MED12: variants seen among roughly 807,000 people sequenced by gnomAD.
MED12 encodes the protein mediator of RNA polymerase II transcription subunit 12.
A neutral mutation model predicts 177.7 loss-of-function variants in MED12; 10 were observed. The ratio of observed to expected loss-of-function variants is 0.06; its 90% CI spans 0.03 to 0.10. The LOEUF (loss-of-function observed/expected upper bound fraction) is 0.10. Among genes scored for constraint, MED12 ranks in the 10% least tolerant of loss-of-function variants. The pLI, the probability that MED12 is intolerant of heterozygous loss-of-function variation, is 1.00. For missense variants in MED12, 867 were observed against 1,780.8 expected, an observed-to-expected ratio of 0.49 and a Z score of 9.23; for synonymous variants, 641 against 678.4, an observed-to-expected ratio of 0.94 and a Z score of 0.86.
At chrX:71,138,017 C>G in intron 41 of MED12, 74 bp downstream of exon 41, 2 of 1,043,848 alleles carry the variant, frequency 1.9e-6, no homozygotes, top group Non-Finnish European at 2.7e-6. Flanking sequence ...AAGCCTGTGC[C>G]TGAAAGTGGT....
chrX:71,141,651 A>G (rs762959734), intron 43 of MED12, among the ~76,000 whole-genome samples: 1 of 111,203 alleles, frequency 9.0e-6, no homozygotes, highest in Admixed American at 9.5e-5. Flanking sequence ...TAATAATAAT[A>G]AATAAGCCGG....
chrX:71,124,183 G>A lies in MED12; in HGVS notation c.1769G>A (p.Arg590Gln). The A allele has an allele frequency of 6.6e-6, 8 of 1,210,797 alleles. No homozygotes were observed. Among genetic ancestry groups the A allele is most frequent in the East Asian group, 3.0e-5 (1 of 33,817 alleles). The stretch of plus-strand genomic sequence containing the variant: ...GCGGACCCTCGAAGTGAGAGTGAGC[G>A]GGTGGAATTCTTTAACTTAGTACTG... ...MLTDPRSESE[R>Q]VEFFNLVLLF... Residue 590 changes from arginine (R) to glutamine (Q), a missense_variant, in exon 13 of 45, where the codon CGG (arginine) becomes CAG (glutamine). Coordinates refer to ENST00000374080, the MANE Select transcript of MED12 (RefSeq NM_005120.3).
intron 7 of MED12, 29 bp from the exon 8 acceptor site, chrX:71,122,171 A>T: frequency 8.3e-7 from 1 of 1,210,217 alleles, no homozygotes; most frequent in Non-Finnish European, 1.1e-6. Flanking sequence ...ATGGTGAATG[A>T]GTTGGACTTA....
intron 3 of MED12, 43 bp from the exon 4 acceptor site, chrX:71,119,971 C>A (rs368394234): frequency 1.7e-6 from 2 of 1,207,133 alleles, no homozygotes; most frequent in Non-Finnish European, 2.2e-6. Flanking sequence ...GGTGTCAGCT[C>A]ATGGGGATAA....
chrX:71,123,013 G>C (rs1413842390), intron 10 of MED12, 82 bp from the exon 11 acceptor site: 1 of 1,176,781 alleles, frequency 8.5e-7, no homozygotes, highest in Non-Finnish European at 1.2e-6. Flanking sequence ...TTTTATGATA[G>C]AGCCCAGTCT....
intron 42 of MED12, 84 bp downstream of exon 42, chrX:71,140,941 A>G (rs2147840627): frequency 2.5e-6 from 3 of 1,188,269 alleles, no homozygotes; most frequent in Middle Eastern, 4.7e-4. Context: ...TACCGAGACT[A>G]AACAAGGCAG....
chrX:71,132,374 C>T lies in MED12; in HGVS notation c.4254-3C>T, dbSNP rs770207059. ...GACCCTGTGTCCTCTGTCTGTTCTCCAGCTCTCTAGAGCGCTCTGGTGTAT... is the reference window on the plus strand; with the variant it reads ...GACCCTGTGTCCTCTGTCTGTTCTCTAGCTCTCTAGAGCGCTCTGGTGTAT... On this transcript the variant is annotated splice_region_variant and splice_polypyrimidine_tract_variant and intron_variant, in intron 30 of 44. Transcript: ENST00000374080. The T allele has an allele frequency of 4.1e-6, 5 of 1,210,859 alleles. No individual in the cohort carries two copies. In the South Asian group the frequency reaches 5.3e-5, roughly 13 times the overall value.
At chrX:71,128,786 CCT>C (rs2092309396) in intron 24 of MED12, 68 bp downstream of exon 24, 1 of 1,152,184 alleles carries the variant, frequency 8.7e-7, no homozygotes, top group Non-Finnish European at 1.2e-6. Context: ...GGACGGCCAT[CCT>C]CTCATTGTTC....
chrX:71,119,543 G>C (rs1234398191), intron 2 of MED12, 66 bp downstream of exon 2: 6 of 1,100,307 alleles, frequency 5.5e-6, no homozygotes, highest in Non-Finnish European at 6.2e-6. Context: ...AAGGCCCTGG[G>C]TTGGGAAGAC....
chrX:71,125,686 C>T lies in MED12; in HGVS notation c.2395C>T (p.Leu799=), dbSNP rs1280842063. 7.0e-6 allele frequency: 8 copies of T among 1,138,146 alleles called. No homozygotes were observed. In the African/African-American group the frequency reaches 1.6e-4, roughly 22 times the overall value. The allele number at this position is 1,138,146 out of a possible 1,213,427, so 93.8% of individuals were successfully genotyped here. Residue 799 remains leucine, a synonymous_variant, in exon 17 of 45, where the codon CTG becomes TTG. Coordinates refer to ENST00000374080, the MANE Select transcript of MED12 (RefSeq NM_005120.3). ...ETDQLAPIVP[L]NPGDLTFLGG... is the part of the protein sequence containing the mutation. ...AGACCAGCTTGCTCCTATTGTGCCT[C>T]TGAATCCTGGAGACCTGACATTCTT...
At chrX:71,142,114 C>T (rs913653275) in intron 44 of MED12, 61 bp from the exon 45 acceptor site, 4 of 1,150,160 alleles carry the variant, frequency 3.5e-6, no homozygotes, top group Middle Eastern at 2.4e-4. Context: ...AACAGCTTTC[C>T]TCGTGCATAC....
At position 71,134,390 on chromosome X, in the gene MED12, A is replaced by G. The variant is rs1375497967; in HGVS notation, c.4651A>G (p.Thr1551Ala). The G allele has an allele frequency of 5.1e-6, 6 of 1,167,123 alleles. No homozygotes were observed. Among genetic ancestry groups the G allele is most frequent in the Non-Finnish European group, 6.9e-6 (6 of 870,534 alleles). ...GGMFDTVQRSTQQTTEWAMLL... is the reference protein window; with the variant it reads ...GGMFDTVQRSAQQTTEWAMLL... ...CATGTTTGACACGGTGCAGCGCAGC[A>G]CCCAGCAGACCACGGAGTGGGCCAT... Residue 1551 changes from threonine (T) to alanine (A), a missense_variant, in exon 34 of 45, where the codon ACC becomes GCC. Coordinates refer to ENST00000374080, the MANE Select transcript of MED12 (RefSeq NM_005120.3).
At chrX:71,138,031 A>G in intron 41 of MED12, 88 bp downstream of exon 41, 1 of 898,387 alleles carries the variant, frequency 1.1e-6, no homozygotes, top group Non-Finnish European at 1.6e-6. Flanking sequence ...AAGTGGTGGG[A>G]CTGGTCAGAA....
intron 18 of MED12, 56 bp from the exon 19 acceptor site, chrX:71,126,284 TC>T: frequency 3.3e-6 from 4 of 1,199,739 alleles, no homozygotes; most frequent in Non-Finnish European, 4.5e-6. Flanking sequence ...CATCCTTTCC[TC>T]CTTCCCTGGT....
intron 36 of MED12, among the ~76,000 whole-genome samples, chrX:71,135,505 C>T (rs1011356439): frequency 3.6e-5 from 4 of 110,803 alleles, no homozygotes; most frequent in Non-Finnish European, 5.7e-5. Flanking sequence ...TTTCAATACC[C>T]TACCCTCCTC....
Position 71,121,125 on chromosome X carries a change from C to G in MED12, c.708C>G (p.Thr236=), listed in dbSNP as rs34668206. The G allele has an allele frequency of 9.9e-6, 12 of 1,208,678 alleles. No homozygotes were observed. In the African/African-American group the frequency reaches 1.2e-4, roughly 12 times the overall value. The change falls in exon 5 of 45, where the codon ACC becomes ACG. Residue 236 remains threonine (T), a synonymous_variant. Transcript: ENST00000374080. ...VEVAIRQWDY[T]EKLAMFMFQD... ...TGGCAATCCGGCAGTGGGATTACAC[C>G]GAGAAGCTGGCCATGTTCATGTTTC... is the stretch of plus-strand genomic sequence containing the variant.
rs765028184 is a variant in MED12, at chrX:71,123,109, T to C, written c.1500T>C (p.Asp500=). 1 of 1,209,670 alleles carries C rather than the reference T, an allele frequency of 8.3e-7. No individual in the cohort carries two copies. The highest frequency in any genetic ancestry group is 1.8e-5 in the African/African-American group (1 of 57,087). The change falls in exon 11 of 45, where the codon GAT becomes GAC. Residue 500 remains aspartate (D), a synonymous_variant. Coordinates refer to ENST00000374080, the MANE Select transcript of MED12 (RefSeq NM_005120.3). The part of the protein sequence containing the change: ...SKDGHEISSD[D]DAVVSLLCEW... ...TTGTTCTCCAGATCTCCTCAGATGATGATGCTGTGGTGTCATTGCTATGTG... is the reference window on the plus strand; with the variant it reads ...TTGTTCTCCAGATCTCCTCAGATGACGATGCTGTGGTGTCATTGCTATGTG...
rs774187266 is a variant in MED12, at chrX:71,141,392, C to T, written c.6408+22C>T. The T allele has an allele frequency of 1.8e-5, 21 of 1,166,326 alleles. No homozygotes were observed. The Admixed American group carries it at 5.2e-4, about 29-fold the overall frequency. ...CCAGGTAGCTGCTGGACTACAGCCC[C>T]AGGCTCAGGGACAGCTGCCCAGGTT... is the stretch of plus-strand genomic sequence containing the variant. On this transcript the variant is annotated intron_variant, in intron 43 of 44. Coordinates refer to ENST00000374080, the MANE Select transcript of MED12 (RefSeq NM_005120.3).
rs2092313277 is a variant in MED12, at chrX:71,130,169, G to A, written c.4002G>A (p.Glu1334=). The change falls in exon 28 of 45, where the codon GAG becomes GAA. Residue 1334 remains glutamate, a synonymous_variant. Transcript: ENST00000374080. The part of the protein sequence containing the change: ...ICYPHRLLDN[E]DGENPQRQRI... ...ATCCACATCGACTGCTGGACAATGA[G>A]GATGGGGAAAACCCCCAGCGGCAGC... 2.5e-6 allele frequency: 3 copies of A among 1,208,785 alleles called. No individual in the cohort carries two copies. The highest frequency in any genetic ancestry group is 2.2e-5 in the Admixed American group (1 of 45,803).
Sources: allele counts gnomAD v4.1 joint callset (sites outside exome capture counted in the v4.1 genomes callset), GRCh38; gene constraint gnomAD v4.1.1; transcripts MANE v1.5; gene names NCBI Gene and HGNC (gene_info 2026-07-23, HGNC 2026-07-21).